PTPRN2: variants seen among roughly 807,000 people sequenced by gnomAD.
The protein encoded by PTPRN2 is protein tyrosine phosphatase receptor type N2.
Under a neutral mutation model 118.8 loss-of-function variants are expected in PTPRN2, and 74 were observed. That is an observed-to-expected ratio of 0.62 (90% CI 0.52 to 0.76). PTPRN2 has a LOEUF of 0.76. Among genes scored for constraint, PTPRN2 ranks in the 30% least tolerant of loss-of-function variants. The pLI is 0.00. For synonymous variants in PTPRN2, 641 were observed against 608.0 expected (o/e 1.05, Z -0.80); for missense variants, 1,481 against 1,394.4 (o/e 1.06, Z -0.99).
Position 157,576,615 on chromosome 7 carries a change from G to A in PTPRN2, c.2781C>T (p.Arg927=). 2 of 1,609,592 alleles carry A rather than the reference G, an allele frequency of 1.2e-6. No individual in the cohort carries two copies. Among genetic ancestry groups the A allele is most frequent in the Non-Finnish European group, 1.7e-6 (2 of 1,177,656 alleles). The part of the protein sequence containing the change: ...PSSSRSLLDF[R]RKVNKCYRGR... ...TGCCGGCGGGCCGCGCGTCATACCT[G>A]CGGAAGTCCAGGAGGGACCTTGAGG... The change falls in exon 19 of 23, where the codon CGC becomes CGT. Residue 927 remains arginine (R), a splice_region_variant and synonymous_variant. Coordinates refer to ENST00000389418, the MANE Select transcript of PTPRN2 (RefSeq NM_002847.5).
In PTPRN2 at chr7:158,511,753, C is replaced by T. The variant is rs1057474265; in HGVS notation, c.113-21968G>A. 3.9e-5 allele frequency among the ~76,000 whole-genome samples: 6 copies of T among 152,180 alleles called. No individual in the cohort carries two copies. The East Asian group carries it at 5.8e-4, about 15-fold the overall frequency. Reference sequence around the variant, plus strand: ...ATGCTCACAGCTCCTTGGGTACAAACGGGTTGTTCTCACAGAGGCCGGAAA... The same window carrying T: ...ATGCTCACAGCTCCTTGGGTACAAATGGGTTGTTCTCACAGAGGCCGGAAA... On this transcript the variant is annotated intron_variant, in intron 1 of 22. Coordinates refer to ENST00000389418, the MANE Select transcript of PTPRN2 (RefSeq NM_002847.5).
chr7:157,959,285 A>C (rs965223527), intron 11 of PTPRN2, among the ~76,000 whole-genome samples: 1 of 152,266 alleles, frequency 6.6e-6, no homozygotes, highest in African/African-American at 2.4e-5. Context: ...GGGAAGCTTC[A>C]TGACACTGGA....
intron 11 of PTPRN2, among the ~76,000 whole-genome samples, chr7:158,044,228 G>A (rs1808676706): frequency 6.6e-6 from 1 of 152,212 alleles, no homozygotes; most frequent in Admixed American, 6.5e-5. Context: ...GTGGCACAGA[G>A]GCAGGAGGGG....
chr7:157,822,638 C>G (rs910468428), intron 12 of PTPRN2, among the ~76,000 whole-genome samples: 8 of 151,958 alleles, frequency 5.3e-5, no homozygotes, highest in Non-Finnish European at 1.2e-4. Flanking sequence ...TTTCATCCAT[C>G]CATTCATCTA....
chr7:158,499,371 C>T lies in PTPRN2; in HGVS notation c.113-9586G>A, dbSNP rs375632827. Among the ~76,000 whole-genome samples, 238 of 152,212 alleles carry T rather than the reference C, an allele frequency of 1.6e-3. 5 individuals carry two copies. The South Asian group carries it at 0.047, about 30-fold the overall frequency. The stretch of plus-strand genomic sequence containing the variant: ...AAGGGCATCACATGTAGAAATCATC[C>T]GTAAATTGAAAACTTGGGTCAGCAC... On this transcript the variant is annotated intron_variant, in intron 1 of 22. Transcript: ENST00000389418.
At chr7:158,024,908 A>T (rs548370769) in intron 11 of PTPRN2, among the ~76,000 whole-genome samples, 1 of 152,364 alleles carries the variant, frequency 6.6e-6, no homozygotes, top group South Asian at 2.1e-4. Context: ...CCTAAAAAAG[A>T]AAAAGGAAAA....
chr7:158,263,515 G>A (rs1015050596), intron 3 of PTPRN2, among the ~76,000 whole-genome samples: 41 of 152,384 alleles, frequency 2.7e-4, no homozygotes, highest in African/African-American at 7.9e-4. Context: ...TGGGTTTGGG[G>A]CAGGCCCATC....
At chr7:157,842,020 GC>G (rs1217625934) in intron 12 of PTPRN2, among the ~76,000 whole-genome samples, 1 of 152,120 alleles carries the variant, frequency 6.6e-6, no homozygotes, top group Non-Finnish European at 1.5e-5. Context: ...TCTTTCTATA[GC>G]CACATCCAAT....
At chr7:157,807,475 C>T (rs561910031) in intron 12 of PTPRN2, among the ~76,000 whole-genome samples, 54 of 152,264 alleles carry the variant, frequency 3.5e-4, no homozygotes, top group African/African-American at 1.3e-3. Flanking sequence ...TCCTCTGGTC[C>T]CAGGAGGATG....
At chr7:157,559,219 A>C (rs1370892893) in intron 21 of PTPRN2, among the ~76,000 whole-genome samples, 1 of 152,232 alleles carries the variant, frequency 6.6e-6, no homozygotes, top group Non-Finnish European at 1.5e-5. Context: ...GCCAGGCTGC[A>C]TGTGCCTGGA....
At chr7:158,550,271 C>T (rs561680795) in intron 1 of PTPRN2, among the ~76,000 whole-genome samples, 11 of 152,296 alleles carry the variant, frequency 7.2e-5, no homozygotes, top group Admixed American at 2.6e-4. Flanking sequence ...GGATGCTGCC[C>T]GGCTCCCCAC....
intron 3 of PTPRN2, among the ~76,000 whole-genome samples, chr7:158,253,380 G>A (rs999147937): frequency 7.9e-5 from 12 of 152,208 alleles, no homozygotes; most frequent in Middle Eastern, 3.2e-3. Context: ...TTTTAACAAC[G>A]TGCTCCTTTC....
chr7:158,497,963 C>T (rs1017407808), intron 1 of PTPRN2, among the ~76,000 whole-genome samples: 11 of 152,384 alleles, frequency 7.2e-5, no homozygotes, highest in East Asian at 1.9e-4. Flanking sequence ...GATGAGTGAC[C>T]GTGCCTTACT....
Position 158,015,465 on chromosome 7 carries a change from G to C in PTPRN2, c.1723+65833C>G, listed in dbSNP as rs1563329735. Among the ~76,000 whole-genome samples the C allele has an allele frequency of 6.6e-6, 1 of 151,394 alleles. No individual in the cohort carries two copies. ...GAGAGGAGGGGTGGTGAGAGAGAGA[G>C]AGAGAGGAAGAGAGGGAGAGAGGGA... On this transcript the variant is annotated intron_variant, in intron 11 of 22. Coordinates refer to ENST00000389418, the MANE Select transcript of PTPRN2 (RefSeq NM_002847.5). The surrounding 1 kb of genome is among the most constrained non-coding windows in gnomAD (Gnocchi z 4.2).
At chr7:158,373,656 T>C (rs1810274265) in intron 2 of PTPRN2, among the ~76,000 whole-genome samples, 1 of 152,206 alleles carries the variant, frequency 6.6e-6, no homozygotes, top group Non-Finnish European at 1.5e-5. Context: ...ATGTGATTCA[T>C]CCATCTTTGA....
intron 15 of PTPRN2, among the ~76,000 whole-genome samples, chr7:157,608,091 AG>A (rs1802111623): frequency 6.6e-6 from 1 of 152,146 alleles, no homozygotes; most frequent in African/African-American, 2.4e-5. Context: ...TTAAAGAGAC[AG>A]GGTCTTGCTC....
At chr7:158,241,976 C>A (rs890224724) in intron 3 of PTPRN2, among the ~76,000 whole-genome samples, 5 of 152,168 alleles carry the variant, frequency 3.3e-5, no homozygotes, top group African/African-American at 1.2e-4. Context: ...CCGAGGGGTC[C>A]TTATCTTCAC....
intron 11 of PTPRN2, among the ~76,000 whole-genome samples, chr7:158,033,000 T>G (rs1418891590): frequency 6.6e-6 from 1 of 151,952 alleles, no homozygotes. Flanking sequence ...CAGTAATTTT[T>G]TTTTTCTGTA....
At chr7:157,991,597 T>C (rs1804257384) in intron 11 of PTPRN2, among the ~76,000 whole-genome samples, 1 of 152,162 alleles carries the variant, frequency 6.6e-6, no homozygotes, top group Non-Finnish European at 1.5e-5. Flanking sequence ...CGGACCTGTT[T>C]CCTGTTAAAC....
Sources: gnomAD v4.1 joint callset for allele counts (sites outside exome capture counted in the v4.1 genomes callset) on GRCh38, gnomAD v4.1.1 for gene constraint, Gnocchi (gnomAD v3.1) non-coding constraint, MANE v1.5 for transcripts, NCBI Gene and HGNC (gene_info 2026-07-23, HGNC 2026-07-21) for gene names.